CAMTA1: variants seen among roughly 807,000 people sequenced by gnomAD.
CAMTA1 encodes calmodulin-binding transcription activator 1.
CAMTA1 carries 27 observed loss-of-function variants against 170.9 expected under a neutral mutation model. That is an observed-to-expected ratio of 0.16 (90% confidence interval 0.12 to 0.22). The LOEUF is 0.22. CAMTA1 is among the 10% of genes least tolerant of loss of function. The probability of loss-of-function intolerance (pLI) is 1.00; values close to 1 mark genes in which losing one functional copy is unlikely to be tolerated. For synonymous variants in CAMTA1, 833 were observed against 891.5 expected (o/e 0.93, Z 1.17); for missense variants, 1,619 against 2,217.2 (o/e 0.73, Z 5.42).
At chr1:7,284,351 G>A (rs1486498087) in intron 5 of CAMTA1, among the ~76,000 whole-genome samples, 3 of 151,676 alleles carry the variant, frequency 2.0e-5, no homozygotes, top group African/African-American at 4.8e-5. Context: ...CTACAGGCCC[G>A]TGCCACCAGG....
chr1:7,471,224 A>G (rs75818963), intron 6 of CAMTA1, among the ~76,000 whole-genome samples: 2,652 of 152,180 alleles, frequency 0.017, 62 homozygotes, highest in African/African-American at 0.059. Context: ...TCTCTCTGTC[A>G]TGTTCTCCCT....
intron 4 of CAMTA1, among the ~76,000 whole-genome samples, chr1:7,099,408 G>T (rs1333811924): frequency 6.6e-6 from 1 of 152,058 alleles, no homozygotes; most frequent in Admixed American, 6.5e-5. Flanking sequence ...ATGTCAAATG[G>T]CCCTAAAAAA....
intron 5 of CAMTA1, among the ~76,000 whole-genome samples, chr1:7,416,579 C>T (rs1031294440): frequency 6.6e-5 from 10 of 152,210 alleles, no homozygotes; most frequent in Non-Finnish European, 1.2e-4. Flanking sequence ...GCATTCTTCA[C>T]GTAGTTCTCG....
intron 6 of CAMTA1, among the ~76,000 whole-genome samples, chr1:7,498,820 G>C (rs1205423811): frequency 1.3e-5 from 2 of 151,184 alleles, no homozygotes; most frequent in South Asian, 4.2e-4. Flanking sequence ...TGTGTAGAGA[G>C]GATGGTGTGA....
intron 4 of CAMTA1, among the ~76,000 whole-genome samples, chr1:7,157,475 T>G (rs1646964926): frequency 6.6e-6 from 1 of 151,530 alleles, no homozygotes; most frequent in African/African-American, 2.4e-5. Context: ...CACAGGCAAA[T>G]GGAAACTGAA....
At chr1:7,114,309 G>A (rs753605984) in intron 4 of CAMTA1, among the ~76,000 whole-genome samples, 21 of 152,106 alleles carry the variant, frequency 1.4e-4, no homozygotes, top group Admixed American at 4.6e-4. Flanking sequence ...GTGCCTCTGT[G>A]TGTGTGTGTA....
chr1:7,149,177 C>T (rs574425963), intron 4 of CAMTA1, among the ~76,000 whole-genome samples: 11 of 152,326 alleles, frequency 7.2e-5, no homozygotes, highest in South Asian at 6.2e-4. Flanking sequence ...GTGGAGAGGG[C>T]GGCTTTCCCC....
In CAMTA1 at chr1:7,680,813, G is replaced by GA. The variant is rs148503236; in HGVS notation, c.2914+3080_2914+3081insA. ...TTTGTTTGCTTGGCTAAAGGCCGGG[G>GA]GGGGGCGTGGGTCCGGGGCGCAGAG... On this transcript the variant is annotated intron_variant, in intron 11 of 22. Coordinates refer to ENST00000303635, the MANE Select transcript of CAMTA1 (RefSeq NM_015215.4). The surrounding 1 kb of genome is among the most constrained non-coding windows in gnomAD (Gnocchi z 4.4). Among the ~76,000 whole-genome samples, 1 of 147,394 alleles carries GA rather than the reference G, an allele frequency of 6.8e-6. No individual in the cohort carries two copies. Among genetic ancestry groups the GA allele is most frequent in the African/African-American group, 2.5e-5 (1 of 40,064 alleles).
At chr1:7,498,501 G>T (rs1460954847) in intron 6 of CAMTA1, among the ~76,000 whole-genome samples, 1 of 151,980 alleles carries the variant, frequency 6.6e-6, no homozygotes, top group Non-Finnish European at 1.5e-5. Context: ...GAGTGAGTGT[G>T]GGTGTGGGTG....
At chr1:7,591,697 G>A (rs375532863) in intron 6 of CAMTA1, among the ~76,000 whole-genome samples, 36 of 152,248 alleles carry the variant, frequency 2.4e-4, no homozygotes, top group African/African-American at 8.4e-4. Flanking sequence ...AATGCGCCCT[G>A]CACTGTTTGG....
At chr1:7,136,297 G>T (rs892302429) in intron 4 of CAMTA1, among the ~76,000 whole-genome samples, 1 of 152,186 alleles carries the variant, frequency 6.6e-6, no homozygotes, top group Non-Finnish European at 1.5e-5. Context: ...CTCTGTGTCT[G>T]CACCCACACG....
chr1:7,111,682 A>C (rs1468615202), intron 4 of CAMTA1, among the ~76,000 whole-genome samples: 1 of 152,092 alleles, frequency 6.6e-6, no homozygotes, highest in Non-Finnish European at 1.5e-5. Flanking sequence ...TCAGGAGATC[A>C]AGACCATCCT....
chr1:6,876,517 C>T (rs1381665104), intron 3 of CAMTA1, among the ~76,000 whole-genome samples: 7 of 152,182 alleles, frequency 4.6e-5, no homozygotes, highest in East Asian at 3.9e-4. Context: ...CGTGTGCCAC[C>T]GTGCCCAACT....
chr1:7,212,492 A>G (rs1265832500), intron 4 of CAMTA1, among the ~76,000 whole-genome samples: 1 of 151,950 alleles, frequency 6.6e-6, no homozygotes, highest in Non-Finnish European at 1.5e-5. Context: ...CACAAAAGAC[A>G]GCTACTATAA....
intron 4 of CAMTA1, among the ~76,000 whole-genome samples, chr1:7,202,517 A>G (rs1394013951): frequency 6.6e-6 from 1 of 152,190 alleles, no homozygotes; most frequent in Non-Finnish European, 1.5e-5. Flanking sequence ...TGACCCATGA[A>G]CATTGAAGTT....
intron 6 of CAMTA1, among the ~76,000 whole-genome samples, chr1:7,632,223 G>T (rs1246138676): frequency 6.6e-6 from 1 of 152,234 alleles, no homozygotes; most frequent in Non-Finnish European, 1.5e-5. Context: ...CAAATGCAAA[G>T]ATCGAAGGAG....
intron 11 of CAMTA1, among the ~76,000 whole-genome samples, chr1:7,688,235 C>A (rs1269165928): frequency 6.6e-6 from 1 of 152,056 alleles, no homozygotes; most frequent in Non-Finnish European, 1.5e-5. Flanking sequence ...GAACTCCTGA[C>A]CTTAAGTGAT....
Position 7,736,392 on chromosome 1 carries a change from G to A in CAMTA1, c.3115G>A (p.Val1039Ile), listed in dbSNP as rs1041771164. 1.2e-6 allele frequency: 2 copies of A among 1,613,994 alleles called. No homozygotes were observed. The highest frequency in any genetic ancestry group is 2.7e-5 in the African/African-American group (2 of 74,902). The change falls in exon 13 of 23, where the codon GTC becomes ATC. Residue 1039 changes from valine (V) to isoleucine (I), a missense_variant. Val to Ile is a conservative substitution (Grantham distance 29). Coordinates refer to ENST00000303635, the MANE Select transcript of CAMTA1 (RefSeq NM_015215.4). The surrounding 1 kb of genome is among the most constrained non-coding windows in gnomAD (Gnocchi z 4.5). Reference sequence around the variant, plus strand: ...GGGGAGCTGCTTTGAGAGCCGTGTGGTCGTGGTATGCGAGAAGATGATGAG... The same window carrying A: ...GGGGAGCTGCTTTGAGAGCCGTGTGATCGTGGTATGCGAGAAGATGATGAG... Reference protein sequence around the residue: ...ALGSCFESRVVVVCEKMMSRA... With the variant: ...ALGSCFESRVIVVCEKMMSRA...
At chr1:6,868,915 T>A (rs1388875623) in intron 3 of CAMTA1, among the ~76,000 whole-genome samples, 1 of 152,182 alleles carries the variant, frequency 6.6e-6, no homozygotes, top group Non-Finnish European at 1.5e-5. Flanking sequence ...TATGCAAGGT[T>A]TTGGGGGTTG....
Sources: allele counts gnomAD v4.1 joint callset (sites outside exome capture counted in the v4.1 genomes callset), GRCh38; gene constraint gnomAD v4.1.1; non-coding constraint Gnocchi (gnomAD v3.1); transcripts MANE v1.5; gene names NCBI Gene and HGNC (gene_info 2026-07-23, HGNC 2026-07-21).